The following GRM5 variants were observed in gnomAD, a reference collection of about 807,000 sequenced individuals.
GRM5 encodes the protein metabotropic glutamate receptor 5.
A neutral mutation model predicts 83.1 loss-of-function variants in GRM5; 19 were observed. The ratio of observed to expected loss-of-function variants is 0.23; its 90% confidence interval spans 0.16 to 0.34. The LOEUF (loss-of-function observed/expected upper bound fraction) is 0.34, where lower values mean the gene tolerates loss of function less well. GRM5 is among the 10% of genes least tolerant of loss of function. GRM5 has a pLI of 1.00. For synonymous variants in GRM5, 675 were observed against 633.6 expected (o/e 1.07, Z -0.98); for missense variants, 1,160 against 1,588.3 (o/e 0.73, Z 4.58).
At chr11:88,827,514 C>T (rs374514708) in intron 3 of GRM5, among the ~76,000 whole-genome samples, 5 of 152,186 alleles carry the variant, frequency 3.3e-5, no homozygotes, top group African/African-American at 1.2e-4. Context: ...CCTGCTTACG[C>T]CATTTTCATT....
intron 2 of GRM5, among the ~76,000 whole-genome samples, chr11:88,887,651 G>T (rs1443820593): frequency 3.3e-5 from 5 of 152,244 alleles, no homozygotes; most frequent in Non-Finnish European, 7.3e-5. Flanking sequence ...TGCCCCCACT[G>T]TCTTCCTCTC....
intron 3 of GRM5, among the ~76,000 whole-genome samples, chr11:88,689,837 G>A (rs1246257981): frequency 6.6e-6 from 1 of 152,194 alleles, no homozygotes; most frequent in Non-Finnish European, 1.5e-5. Context: ...ATAACCAGCA[G>A]ACACTATCTA....
At chr11:88,946,214 A>G (rs1938279072) in intron 2 of GRM5, among the ~76,000 whole-genome samples, 2 of 152,162 alleles carry the variant, frequency 1.3e-5, no homozygotes. Context: ...AACTGCTATT[A>G]TTAAAAAGTC....
At chr11:88,686,539 A>G (rs1295461080) in intron 3 of GRM5, among the ~76,000 whole-genome samples, 1 of 152,160 alleles carries the variant, frequency 6.6e-6, no homozygotes, top group African/African-American at 2.4e-5. Flanking sequence ...GGCCAGGGGC[A>G]GAATGATATG....
At position 88,697,408 on chromosome 11, in the gene GRM5, G is replaced by A. The variant is rs151201960; in HGVS notation, c.912-44005C>T. On this transcript the variant is annotated intron_variant, in intron 3 of 9. Coordinates refer to ENST00000305447, the MANE Select transcript of GRM5 (RefSeq NM_001143831.3). The stretch of plus-strand genomic sequence containing the variant: ...GTTTTGCAATTCCTTCCACAGATTA[G>A]GATAGTGCTCTGCAAGTGCTCACTC... Among the ~76,000 whole-genome samples, 148 of 152,276 alleles carry A rather than the reference G, an allele frequency of 9.7e-4. No homozygotes were observed. In the Middle Eastern group the frequency reaches 0.017, roughly 17 times the overall value.
intron 2 of GRM5, among the ~76,000 whole-genome samples, chr11:88,987,859 T>A (rs930913782): frequency 6.6e-6 from 1 of 151,070 alleles, no homozygotes; most frequent in Non-Finnish European, 1.5e-5. Flanking sequence ...AACCCATCTG[T>A]ACATCACCAT....
chr11:88,984,928 C>G (rs1402457557), intron 2 of GRM5: 1 of 593,134 alleles, frequency 1.7e-6, no homozygotes. Context: ...TTTTTAAATG[C>G]CATTTTAATA....
chr11:88,633,311 G>T (rs1314997924), intron 4 of GRM5, among the ~76,000 whole-genome samples: 1 of 152,062 alleles, frequency 6.6e-6, no homozygotes, highest in Non-Finnish European at 1.5e-5. Flanking sequence ...TCCAATCTGT[G>T]CCTTTTCTTT....
chr11:88,656,371 A>C (rs1286439995), intron 3 of GRM5, among the ~76,000 whole-genome samples: 1 of 152,144 alleles, frequency 6.6e-6, no homozygotes, highest in Non-Finnish European at 1.5e-5. Context: ...CATTATTTAC[A>C]GATTCTGCAT....
At chr11:88,826,964 A>G (rs1389042094) in intron 3 of GRM5, among the ~76,000 whole-genome samples, 2 of 152,248 alleles carry the variant, frequency 1.3e-5, no homozygotes, top group Non-Finnish European at 2.9e-5. Context: ...ATGTAAATAC[A>G]TCTTGAAAGT....
At chr11:88,893,318 C>T (rs1286996160) in intron 2 of GRM5, among the ~76,000 whole-genome samples, 45 of 151,760 alleles carry the variant, frequency 3.0e-4, no homozygotes, top group Admixed American at 3.0e-3. Context: ...CTAAAGAGAA[C>T]AGTTGGTTGT....
chr11:88,781,127 GTATATATA>G (rs59273026), intron 3 of GRM5, among the ~76,000 whole-genome samples: 25 of 145,362 alleles, frequency 1.7e-4, no homozygotes, highest in African/African-American at 2.5e-4. Context: ...ACATATATAT[GTATATATA>G]TATATATATA....
chr11:88,549,748 A>G (rs1942462636), intron 8 of GRM5, among the ~76,000 whole-genome samples: 1 of 152,116 alleles, frequency 6.6e-6, no homozygotes, highest in Non-Finnish European at 1.5e-5. Flanking sequence ...ATCAAGGGCC[A>G]GGTCACTAAG....
chr11:88,923,495 G>T (rs1590967622), intron 2 of GRM5, among the ~76,000 whole-genome samples: 1 of 152,216 alleles, frequency 6.6e-6, no homozygotes, highest in East Asian at 1.9e-4. Flanking sequence ...GCAAAAAATT[G>T]AAATAATTGA....
chr11:88,789,875 T>G (rs957493735), intron 3 of GRM5, among the ~76,000 whole-genome samples: 1 of 152,060 alleles, frequency 6.6e-6, no homozygotes, highest in Non-Finnish European at 1.5e-5. Flanking sequence ...CTTTTTTTGA[T>G]ATGGAGTCCC....
rs374767649 is a variant in GRM5 at position 88,881,706 on chromosome 11, C to G, written c.662-31551G>C. ...ATTTAAATAGTGGCCATTTGTTTTG[C>G]TCTTGCTAACTTCAGCTTCAATACT... On this transcript the variant is annotated intron_variant, in intron 2 of 9. Coordinates refer to ENST00000305447, the MANE Select transcript of GRM5 (RefSeq NM_001143831.3). Among the ~76,000 whole-genome samples, 13 of 152,188 alleles carry G rather than the reference C, an allele frequency of 8.5e-5. 1 individual carries two copies. The South Asian group carries it at 1.7e-3, about 19-fold the overall frequency.
intron 4 of GRM5, among the ~76,000 whole-genome samples, chr11:88,639,613 A>C (rs1939235359): frequency 6.7e-6 from 1 of 148,226 alleles, no homozygotes; most frequent in Non-Finnish European, 1.5e-5. Flanking sequence ...TTTGAGATGG[A>C]GTCTCGCACT....
intron 1 of GRM5, among the ~76,000 whole-genome samples, chr11:89,049,815 CTG>C (rs1233577138): frequency 2.0e-5 from 3 of 152,144 alleles, no homozygotes; most frequent in African/African-American, 7.2e-5. Flanking sequence ...GAAATGAAGA[CTG>C]TTAGATTTTT....
At chr11:88,949,613 T>C (rs1286880275) in intron 2 of GRM5, among the ~76,000 whole-genome samples, 3 of 152,184 alleles carry the variant, frequency 2.0e-5, no homozygotes, top group Non-Finnish European at 4.4e-5. Context: ...GTTGTTAAAA[T>C]ATACCAAATG....
Sources: allele counts gnomAD v4.1 joint callset (sites outside exome capture counted in the v4.1 genomes callset), GRCh38; gene constraint gnomAD v4.1.1; transcripts MANE v1.5; gene names NCBI Gene and HGNC (gene_info 2026-07-23, HGNC 2026-07-21).